Variants in NDRG4 observed in about 807,000 individuals in gnomAD.
NDRG4 encodes protein NDRG4.
A neutral mutation model predicts 55.8 loss-of-function variants in NDRG4; 38 were observed. The ratio of observed to expected loss-of-function variants is 0.68; its 90% CI spans 0.53 to 0.89. The LOEUF (loss-of-function observed/expected upper bound fraction) is 0.89, where lower values mean the gene tolerates loss of function less well. Among genes scored for constraint, NDRG4 ranks in the 40% least tolerant of loss-of-function variants. The pLI is 0.00. For missense variants in NDRG4, 455 were observed against 468.6 expected (o/e 0.97, Z 0.27); for synonymous variants, 190 against 182.7 (o/e 1.04, Z -0.32).
At chr16:58,500,377 G>A (rs955021251) in intron 1 of NDRG4, 108 bp downstream of exon 1, 30 of 1,424,974 alleles carry the variant, frequency 2.1e-5, no homozygotes, top group South Asian at 2.1e-4. Flanking sequence ...GTGGCAGCCC[G>A]GCCTTCAAAT....
chr16:58,511,107 G>A (rs541007942), intron 14 of NDRG4: 19 of 477,762 alleles, frequency 4.0e-5, no homozygotes, highest in East Asian at 2.1e-4. Flanking sequence ...ACCGCTCCGC[G>A]TCCTCCTTTA....
At chr16:58,503,072 C>T (rs535120365) in intron 1 of NDRG4, among the ~76,000 whole-genome samples, 21 of 152,308 alleles carry the variant, frequency 1.4e-4, no homozygotes, top group Admixed American at 2.6e-4. Context: ...ATGACATGCT[C>T]AGTCACAAGT....
Position 58,510,633 on chromosome 16 carries a change from C to T in NDRG4, c.866-12C>T. 6.5e-7 allele frequency: 1 copy of T among 1,535,914 alleles called. No homozygotes were observed. The highest frequency in any genetic ancestry group is 8.7e-7 in the Non-Finnish European group (1 of 1,146,792). On this transcript the variant is annotated splice_polypyrimidine_tract_variant and intron_variant, in intron 13 of 14. Transcript: ENST00000570248. ...ATCCCCGCCCCCTCTCCGGCTCTGT[C>T]TTCTCTCTTAGTTGCGTACTTGAAG... is the stretch of plus-strand genomic sequence containing the variant.
At chr16:58,505,348 C>CAAAAAAAT (rs1198513263) in intron 5 of NDRG4, among the ~76,000 whole-genome samples, 5 of 109,916 alleles carry the variant, frequency 4.5e-5, no homozygotes, top group Non-Finnish European at 7.2e-5. Flanking sequence ...GACTCTGTCT[C>CAAAAAAAT]AAAAAAATAA....
intron 8 of NDRG4, 186 bp downstream of exon 8, chr16:58,507,201 T>G: frequency 1.7e-6 from 1 of 596,320 alleles, no homozygotes; most frequent in Non-Finnish European, 3.0e-6. Context: ...GGGAACAGGG[T>G]TTCAGACTCC....
intron 14 of NDRG4, chr16:58,510,962 A>G: frequency 1.8e-6 from 1 of 552,184 alleles, no homozygotes; most frequent in Non-Finnish European, 3.2e-6. Flanking sequence ...GGTAGAGCCC[A>G]GGCCTGGCCC....
chr16:58,504,664 G>C lies in NDRG4; in HGVS notation c.372+15G>C, dbSNP rs1567342685. 6.2e-7 allele frequency: 1 copy of C among 1,614,128 alleles called. No homozygotes were observed. The highest frequency in any genetic ancestry group is 1.1e-5 in the South Asian group (1 of 91,076). On this transcript the variant is annotated intron_variant, in intron 5 of 14. Coordinates refer to ENST00000570248, the MANE Select transcript of NDRG4 (RefSeq NM_001242835.2). ...CCAAGTTTGCAGTGAGTCTCCCCAT[G>C]CCCCCATTACCCCAAACACCAGGGC... is the stretch of plus-strand genomic sequence containing the variant.
At chr16:58,476,689 T>C (rs1253543312) in intron 1 of NDRG4, among the ~76,000 whole-genome samples, 4 of 152,152 alleles carry the variant, frequency 2.6e-5, no homozygotes, top group Middle Eastern at 3.2e-3. Context: ...TCCTTGATGC[T>C]GGAGAAGCCC....
chr16:58,494,169 C>T (rs1351916816), intron 2 of NDRG4, among the ~76,000 whole-genome samples: 7 of 152,152 alleles, frequency 4.6e-5, no homozygotes, highest in African/African-American at 7.2e-5. Context: ...GTCCCGCCCT[C>T]GTGGTGCCCG....
chr16:58,505,428 A>AC (rs1266111178), intron 5 of NDRG4, among the ~76,000 whole-genome samples: 3 of 149,732 alleles, frequency 2.0e-5, no homozygotes, highest in Non-Finnish European at 3.0e-5. Context: ...GCAAAAAAAA[A>AC]AAAAACAAAA....
At chr16:58,495,254 A>G (rs536463584), upstream of NDRG4, among the ~76,000 whole-genome samples, 2 of 152,196 alleles carry the variant, frequency 1.3e-5, no homozygotes, top group African/African-American at 2.4e-5. Flanking sequence ...TTTTCCTCCA[A>G]TGAAAGGCAG....
At chr16:58,469,588 C>CA (rs2032376271) in intron 1 of NDRG4, among the ~76,000 whole-genome samples, 1 of 152,020 alleles carries the variant, frequency 6.6e-6, no homozygotes. Context: ...AAAAAAAACC[C>CA]AAAAAACTGG....
In NDRG4 at chr16:58,513,166, A is replaced by G. The variant is rs1051649262; in HGVS notation, c.*1590A>G. ...ATGTATCTATAAATATCTATACATTATATGTGTGTGTGTGTGTGTGTGTGT... is the reference window on the plus strand; with the variant it reads ...ATGTATCTATAAATATCTATACATTGTATGTGTGTGTGTGTGTGTGTGTGT... On this transcript the variant is annotated 3_prime_UTR_variant, in exon 15 of 15. Coordinates refer to ENST00000570248, the MANE Select transcript of NDRG4 (RefSeq NM_001242835.2). 6 of 47,282 alleles carry G rather than the reference A, an allele frequency of 1.3e-4. No homozygotes were observed. Among genetic ancestry groups the G allele is most frequent in the East Asian group, 1.0e-3 (1 of 1,000 alleles). 2.9% of individuals were successfully genotyped at this position (47,282 alleles called of 1,614,324 possible).
intron 14 of NDRG4, chr16:58,510,892 G>A (rs2038718029): frequency 3.3e-6 from 2 of 606,596 alleles, no homozygotes; most frequent in African/African-American, 1.8e-5. Context: ...CTTGCTTCTA[G>A]GTTGTCATGA....
intron 1 of NDRG4, chr16:58,475,561 C>T: frequency 2.2e-6 from 1 of 453,862 alleles, no homozygotes; most frequent in Non-Finnish European, 4.4e-6. Flanking sequence ...AACAGAAAAC[C>T]CATGGTAATA....
intron 1 of NDRG4, among the ~76,000 whole-genome samples, chr16:58,481,085 C>T (rs142256527): frequency 6.6e-6 from 1 of 152,008 alleles, no homozygotes; most frequent in African/African-American, 2.4e-5. Flanking sequence ...GGGTTCAAAT[C>T]CAGGTTCCAT....
At position 58,464,706 on chromosome 16, in the gene NDRG4, C is replaced by T. The variant is rs2031235685; in HGVS notation, c.-24+909C>T. 3 of 1,219,054 alleles carry T rather than the reference C, an allele frequency of 2.5e-6. No homozygotes were observed. The highest frequency in any genetic ancestry group is 1.6e-5 in the African/African-American group (1 of 63,132). The allele number at this position is 1,219,054 out of a possible 1,614,324, so 75.5% of individuals were successfully genotyped here. ...CGGGAGCACCGGTCAGGGGGTGGCC[C>T]CATGGGGTCTCTGACCAGCGGAGCT... On this transcript the variant is annotated intron_variant, in intron 1 of 15. Transcript: ENST00000258187. The surrounding 1 kb of genome is among the most constrained non-coding windows in gnomAD (Gnocchi z 4.8).
At chr16:58,494,876 G>T in intron 2 of NDRG4, 1 of 1,068,090 alleles carries the variant, frequency 9.4e-7, no homozygotes, top group South Asian at 1.3e-5. Flanking sequence ...ACAGACTAGG[G>T]GACAGAAATT....
At chr16:58,506,130 G>T in intron 5 of NDRG4, 1 of 635,506 alleles carries the variant, frequency 1.6e-6, no homozygotes, top group Non-Finnish European at 2.8e-6. Flanking sequence ...TCTGTTGAAA[G>T]AGCGTGTGTG....
Sources: allele counts gnomAD v4.1 joint callset (sites outside exome capture counted in the v4.1 genomes callset), GRCh38; gene constraint gnomAD v4.1.1; non-coding constraint Gnocchi (gnomAD v3.1); transcripts MANE v1.5; gene names NCBI Gene and HGNC (gene_info 2026-07-23, HGNC 2026-07-21).